PTPRT: variants seen among roughly 807,000 people sequenced by gnomAD.
PTPRT encodes receptor-type tyrosine-protein phosphatase T.
In PTPRT, 56 loss-of-function variants were observed where a neutral mutation model predicts 176.8. The ratio of observed to expected loss-of-function variants is 0.32; its 90% CI spans 0.26 to 0.40. PTPRT has a LOEUF of 0.40. Ranked by LOEUF, PTPRT falls within the 10% of genes least tolerant of loss-of-function variation. The pLI is 1.00. For synonymous variants in PTPRT, 783 were observed against 739.0 expected, an observed-to-expected ratio of 1.06 and a Z score of -0.96; for missense variants, 1,540 against 1,908.2, an observed-to-expected ratio of 0.81 and a Z score of 3.60.
chr20:42,738,452 T>C (rs1442598178), intron 6 of PTPRT, among the ~76,000 whole-genome samples: 1 of 151,744 alleles, frequency 6.6e-6, no homozygotes, highest in East Asian at 1.9e-4. Flanking sequence ...GAGGTTGCAG[T>C]GAGCCAAGAT....
intron 1 of PTPRT, among the ~76,000 whole-genome samples, chr20:43,178,883 G>A (rs1333121949): frequency 1.3e-5 from 2 of 152,192 alleles, no homozygotes; most frequent in Non-Finnish European, 2.9e-5. Context: ...TGAACTCAAG[G>A]TGTCTTAGAG....
In PTPRT at chr20:43,154,940, A is replaced by G. The variant is rs374475018; in HGVS notation, c.88+34706T>C. ...AAAGACATACAAATGGCCAACGGGT[A>G]TATGAAAAAATGCTCAGCATCACTA... On this transcript the variant is annotated intron_variant, in intron 1 of 30. Coordinates refer to ENST00000373187, the MANE Select transcript of PTPRT (RefSeq NM_007050.6). Among the ~76,000 whole-genome samples the G allele has an allele frequency of 7.7e-4, 118 of 152,366 alleles. 1 individual carries two copies. The highest frequency in any genetic ancestry group is 3.4e-3 in the Middle Eastern group (1 of 294).
chr20:42,648,251 G>C (rs576161802), intron 7 of PTPRT, among the ~76,000 whole-genome samples: 12 of 151,758 alleles, frequency 7.9e-5, no homozygotes, highest in Non-Finnish European at 1.6e-4. Context: ...CAATCAAGGG[G>C]TCCTTCACGA....
At chr20:42,955,384 T>C (rs1981561960) in intron 1 of PTPRT, among the ~76,000 whole-genome samples, 1 of 152,190 alleles carries the variant, frequency 6.6e-6, no homozygotes. Context: ...TTGCTTTTTA[T>C]GTTTGTTGTC....
At chr20:42,756,681 T>C (rs541473365) in intron 5 of PTPRT, 45 bp from the exon 6 acceptor site, 27 of 1,468,558 alleles carry the variant, frequency 1.8e-5, no homozygotes, top group Admixed American at 1.1e-4. Context: ...CATAGCATCA[T>C]AGGCTTCTAG....
intron 6 of PTPRT, among the ~76,000 whole-genome samples, chr20:42,751,605 A>T (rs941908921): frequency 1.3e-5 from 2 of 152,224 alleles, no homozygotes; most frequent in African/African-American, 4.8e-5. Context: ...ACACCATCCC[A>T]TCAGCTGCCA....
chr20:42,257,582 C>T (rs1197439926), intron 13 of PTPRT, among the ~76,000 whole-genome samples: 1 of 147,388 alleles, frequency 6.8e-6, no homozygotes, highest in East Asian at 2.0e-4. Context: ...GTACTGTCCT[C>T]ATGACAGTGA....
At chr20:43,131,593 T>G (rs1025523836) in intron 1 of PTPRT, among the ~76,000 whole-genome samples, 1 of 152,224 alleles carries the variant, frequency 6.6e-6, no homozygotes, top group African/African-American at 2.4e-5. Flanking sequence ...GTCAAAGAAT[T>G]ATTCCTCAAA....
chr20:42,108,234 G>A lies in PTPRT; in HGVS notation c.3255-1313C>T, dbSNP rs1986659007. On this transcript the variant is annotated intron_variant, in intron 23 of 30. Transcript: ENST00000373187. ...ACATACCTCCCTGCAGGGTCCTTGT[G>A]AGGACAAAGCTGTGTTTATTTCATT... 2.5e-5 allele frequency among the ~76,000 whole-genome samples: 3 copies of A among 118,860 alleles called. No homozygotes were observed. The South Asian group carries it at 7.5e-4, about 30-fold the overall frequency. 78.0% of individuals were successfully genotyped at this position (118,860 alleles called of 152,430 possible).
chr20:42,986,636 A>T (rs1394197351), intron 1 of PTPRT, among the ~76,000 whole-genome samples: 1 of 152,218 alleles, frequency 6.6e-6, no homozygotes, highest in Non-Finnish European at 1.5e-5. Flanking sequence ...TGACAAAGAA[A>T]GCGACAGTAG....
At position 42,327,397 on chromosome 20, in the gene PTPRT, T is replaced by C. The variant is rs570259491; in HGVS notation, c.1866-11401A>G. On this transcript the variant is annotated intron_variant, in intron 11 of 30. Transcript: ENST00000373187. The stretch of plus-strand genomic sequence containing the variant: ...TTAAAAAGCTTTAAAGGACAATTAA[T>C]TGGGAGAATTGGGGAAATTTGAATG... Among the ~76,000 whole-genome samples the C allele has an allele frequency of 5.9e-5, 9 of 152,174 alleles. No individual in the cohort carries two copies. In the South Asian group the frequency reaches 1.9e-3, roughly 32 times the overall value.
the PTPRT span, among the ~76,000 whole-genome samples, chr20:42,039,748 T>C: frequency 8.6e-6 from 1 of 116,944 alleles, no homozygotes; most frequent in Non-Finnish European, 2.0e-5. Flanking sequence ...GGAATGTATT[T>C]ATGTATATAT....
chr20:42,676,148 C>A (rs1391868915), intron 7 of PTPRT, among the ~76,000 whole-genome samples: 1 of 152,138 alleles, frequency 6.6e-6, no homozygotes, highest in Admixed American at 6.5e-5. Flanking sequence ...TTCCGAGGTT[C>A]AGGTTAGGAA....
At chr20:42,352,451 C>T (rs1015667958) in intron 9 of PTPRT, among the ~76,000 whole-genome samples, 166 bp from the exon 10 acceptor site, 5 of 152,076 alleles carry the variant, frequency 3.3e-5, no homozygotes, top group African/African-American at 4.8e-5. Flanking sequence ...CCAGATGATC[C>T]CAGCCTCCAA....
At chr20:42,797,821 G>A (rs780655159) in intron 2 of PTPRT, among the ~76,000 whole-genome samples, 1 of 152,088 alleles carries the variant, frequency 6.6e-6, no homozygotes, top group Admixed American at 6.6e-5. Context: ...AGGAGGCTAT[G>A]CTGCTTACTT....
intron 7 of PTPRT, among the ~76,000 whole-genome samples, chr20:42,666,083 A>G (rs2075311929): frequency 6.6e-6 from 1 of 152,204 alleles, no homozygotes; most frequent in Admixed American, 6.5e-5. Context: ...CGTAAAACTT[A>G]AAGTATAATA....
At chr20:42,168,770 T>C (rs1459504239) in intron 16 of PTPRT, among the ~76,000 whole-genome samples, 1 of 152,226 alleles carries the variant, frequency 6.6e-6, no homozygotes, top group Non-Finnish European at 1.5e-5. Context: ...GGAGTCATGT[T>C]GTAAGAATGC....
chr20:42,479,794 A>G (rs192733562), intron 7 of PTPRT, among the ~76,000 whole-genome samples: 1 of 152,374 alleles, frequency 6.6e-6, no homozygotes, highest in East Asian at 1.9e-4. Context: ...ACTGGTAAGT[A>G]TAACACAAAT....
rs1986255470 is a variant in PTPRT at position 42,104,627 on chromosome 20, T to C, written c.3482A>G (p.Tyr1161Cys). Residue 1161 changes from tyrosine to cysteine, a missense_variant, in exon 25 of 31, where the codon TAC becomes TGC. By Grantham distance (194) the Tyr-to-Cys change is radical (BLOSUM62 -2). Around this residue, in one of 11 missense-constraint regions of PTPRT, gnomAD observed 342 missense variants for 394.0 expected, o/e 0.87. Coordinates refer to ENST00000373187, the MANE Select transcript of PTPRT (RefSeq NM_007050.6). ...IPVCEFRSLY[Y>C]NISRLDPQTN... ...CTGGGGGTCCAGCCTGCTGATATTG[T>C]AGTAGAGAGAACGGAACTCACACAC... 6 of 1,610,560 alleles carry C rather than the reference T, an allele frequency of 3.7e-6. No homozygotes were observed. In the East Asian group the frequency reaches 1.1e-4, roughly 30 times the overall value.
Sources: allele counts gnomAD v4.1 joint callset (sites outside exome capture counted in the v4.1 genomes callset), GRCh38; gene constraint gnomAD v4.1.1; regional missense constraint gnomAD v4.1.1; transcripts MANE v1.5; gene names NCBI Gene and HGNC (gene_info 2026-07-23, HGNC 2026-07-21).